The following ZNF529 variants were observed in gnomAD, a reference collection of about 807,000 sequenced individuals.
ZNF529 encodes the protein zinc finger protein 529.
Under a neutral mutation model 10.1 loss-of-function variants are expected in ZNF529, and 11 were observed. The observed-to-expected ratio is 1.09, with a 90% CI of 0.69 to 1.81. The LOEUF is 1.81. Among genes scored for constraint, ZNF529 ranks in the 40% most tolerant of loss-of-function variants. The pLI is 0.00. For missense variants in ZNF529, 624 were observed against 666.8 expected (o/e 0.94, Z 0.71); for synonymous variants, 204 against 215.7 (o/e 0.95, Z 0.47).
upstream of ZNF529, among the ~76,000 whole-genome samples, chr19:36,575,691 T>C (rs910708778): frequency 7.9e-5 from 12 of 152,142 alleles, no homozygotes; most frequent in Non-Finnish European, 1.3e-4. Context: ...ACAGTGTAAT[T>C]ACTTTCTTCT....
intron 2 of ZNF529, among the ~76,000 whole-genome samples, chr19:36,561,929 G>A (rs1207668479): frequency 6.6e-6 from 1 of 152,202 alleles, no homozygotes; most frequent in Non-Finnish European, 1.5e-5. Context: ...TTATTTATCT[G>A]TTTTGGAATA....
chr19:36,602,924 C>T (rs1348303504), intron 1 of ZNF529, among the ~76,000 whole-genome samples: 1 of 121,208 alleles, frequency 8.3e-6, no homozygotes, highest in African/African-American at 3.2e-5. Flanking sequence ...AAGTGAAACT[C>T]CGTCTCAAAA....
intron 2 of ZNF529, among the ~76,000 whole-genome samples, chr19:36,578,505 C>T (rs569869069): frequency 6.6e-6 from 1 of 151,112 alleles, no homozygotes; most frequent in East Asian, 2.0e-4. Context: ...TGGGGTTTCA[C>T]CGTGTTAGCC....
At chr19:36,597,475 A>T (rs553033517) in intron 1 of ZNF529, among the ~76,000 whole-genome samples, 1 of 152,224 alleles carries the variant, frequency 6.6e-6, no homozygotes, top group Non-Finnish European at 1.5e-5. Flanking sequence ...TTCTGACAGC[A>T]TAAGTACAAC....
upstream of ZNF529, among the ~76,000 whole-genome samples, chr19:36,574,433 T>C (rs187685940): frequency 6.6e-6 from 1 of 152,294 alleles, no homozygotes; most frequent in East Asian, 1.9e-4. Context: ...GAGGAGGGTA[T>C]AATGAAGCAT....
At chr19:36,576,441 G>A (rs1013487344), upstream of ZNF529, among the ~76,000 whole-genome samples, 3 of 151,922 alleles carry the variant, frequency 2.0e-5, no homozygotes, top group African/African-American at 4.8e-5. Context: ...TATTTTGGCC[G>A]GGCGCGGTGG....
At chr19:36,551,028 T>TC (rs2035238619) in intron 4 of ZNF529, among the ~76,000 whole-genome samples, 1 of 152,168 alleles carries the variant, frequency 6.6e-6, no homozygotes. Flanking sequence ...AAGCCAGGAA[T>TC]CCTAGAACAA....
At chr19:36,592,445 C>G (rs997931864) in intron 1 of ZNF529, among the ~76,000 whole-genome samples, 2 of 151,254 alleles carry the variant, frequency 1.3e-5, no homozygotes, top group Non-Finnish European at 2.9e-5. Context: ...ATACAAAAAA[C>G]TAGCTGGGCA....
rs61695534 is a variant in ZNF529 at position 36,596,057 on chromosome 19, C to CTT, written c.-127-6358_-127-6357dup. 1.1e-3 allele frequency among the ~76,000 whole-genome samples: 74 copies of CTT among 68,650 alleles called. 4 individuals are homozygous for CTT. Among genetic ancestry groups the CTT allele is most frequent in the South Asian group, 3.3e-3 (5 of 1,536 alleles). The allele number at this position is 68,650 out of a possible 152,430, so 45.0% of individuals were successfully genotyped here. Reference sequence around the variant, plus strand: ...ATTGACCTTTTTATATCCTGAAGCTCTTTTTTTTTTTTTTTTTTTTTTTTT... The same window carrying CTT: ...ATTGACCTTTTTATATCCTGAAGCTCTTTTTTTTTTTTTTTTTTTTTTTTTTT... On this transcript the variant is annotated intron_variant, in intron 1 of 4. Transcript: ENST00000585960.
At chr19:36,599,104 T>C (rs75445689) in intron 1 of ZNF529, among the ~76,000 whole-genome samples, 1 of 152,194 alleles carries the variant, frequency 6.6e-6, no homozygotes, top group East Asian at 1.9e-4. Context: ...GCCAATCCAG[T>C]CTTTTATGCC....
At chr19:36,573,495 G>A, upstream of ZNF529, 1 of 470,936 alleles carries the variant, frequency 2.1e-6, no homozygotes, top group Non-Finnish European at 4.4e-6. Flanking sequence ...CCTAGGCGCG[G>A]AAGAGGCGGC....
At chr19:36,576,763 A>C (rs2036328816), upstream of ZNF529, among the ~76,000 whole-genome samples, 1 of 151,578 alleles carries the variant, frequency 6.6e-6, no homozygotes, top group South Asian at 2.1e-4. Context: ...ATCACTCAGC[A>C]CTCCTTTTCA....
chr19:36,558,328 C>T (rs1212468541), intron 2 of ZNF529, among the ~76,000 whole-genome samples: 1 of 151,930 alleles, frequency 6.6e-6, no homozygotes, highest in Non-Finnish European at 1.5e-5. Context: ...GGAAGCTCAA[C>T]AAACACCAAG....
At position 36,553,879 on chromosome 19, in the gene ZNF529, C is replaced by T. The variant is rs184765945; in HGVS notation, c.235+791G>A. Reference sequence around the variant, plus strand: ...TAACTACTTAACACAAACTTTGTTTCATGCACAAAACTATTAAAAACATTG... The same window carrying T: ...TAACTACTTAACACAAACTTTGTTTTATGCACAAAACTATTAAAAACATTG... On this transcript the variant is annotated intron_variant, in intron 4 of 4. Coordinates refer to ENST00000591340, the MANE Select transcript of ZNF529 (RefSeq NM_020951.5). Among the ~76,000 whole-genome samples the T allele has an allele frequency of 1.1e-3, 164 of 152,304 alleles. 1 individual carries two copies. The highest frequency in any genetic ancestry group is 3.9e-3 in the African/African-American group (161 of 41,582).
chr19:36,603,779 C>A (rs1208027695), intron 1 of ZNF529, among the ~76,000 whole-genome samples: 2 of 152,192 alleles, frequency 1.3e-5, no homozygotes, highest in Non-Finnish European at 1.5e-5. Flanking sequence ...GTCAGGTTCA[C>A]CAAAGCCTGG....
chr19:36,551,575 C>CAT (rs943782019), intron 4 of ZNF529, among the ~76,000 whole-genome samples: 7 of 151,930 alleles, frequency 4.6e-5, no homozygotes, highest in African/African-American at 1.7e-4. Flanking sequence ...ATATAAAAGA[C>CAT]ATATAATAAA....
Position 36,546,732 on chromosome 19 carries a change from A to ATGT in ZNF529, c.*133_*134insACA, listed in dbSNP as rs1030439615. On this transcript the variant is annotated 3_prime_UTR_variant, in exon 5 of 5. Coordinates refer to ENST00000591340, the MANE Select transcript of ZNF529 (RefSeq NM_020951.5). Reference sequence around the variant, plus strand: ...TATGACTAAGCAATTCTACGTCTACATACAGAATGACCATGAAGTCTAAAA... The same window carrying ATGT: ...TATGACTAAGCAATTCTACGTCTACATGTTACAGAATGACCATGAAGTCTAAAA... The ATGT allele has an allele frequency of 4.1e-4, 376 of 919,312 alleles. 1 individual carries two copies. The African/African-American group carries it at 4.8e-3, about 12-fold the overall frequency. 56.9% of individuals were successfully genotyped at this position (919,312 alleles called of 1,614,324 possible).
chr19:36,567,654 G>A (rs1433135506), intron 2 of ZNF529, among the ~76,000 whole-genome samples: 4 of 152,144 alleles, frequency 2.6e-5, no homozygotes, highest in Admixed American at 1.3e-4. Flanking sequence ...TGCTGGCCAG[G>A]CTGGTTTCAA....
chr19:36,599,232 G>A (rs2036886927), intron 1 of ZNF529, among the ~76,000 whole-genome samples: 1 of 152,170 alleles, frequency 6.6e-6, no homozygotes, highest in Admixed American at 6.5e-5. Flanking sequence ...ATGCTGTCTT[G>A]TGAAAGTTAC....
Sources: gnomAD v4.1 joint callset for allele counts (sites outside exome capture counted in the v4.1 genomes callset) on GRCh38, gnomAD v4.1.1 for gene constraint, MANE v1.5 for transcripts, NCBI Gene and HGNC (gene_info 2026-07-23, HGNC 2026-07-21) for gene names.